The following EMB variants were observed in gnomAD, a reference collection of about 807,000 sequenced individuals.
The protein encoded by EMB is embigin homolog.
Under a neutral mutation model 41.4 loss-of-function variants are expected in EMB, and 31 were observed. The ratio of observed to expected loss-of-function variants is 0.75; its 90% CI spans 0.56 to 1.01. EMB has a LOEUF of 1.01. Among genes scored for constraint, EMB ranks in the 50% least tolerant of loss-of-function variants. The pLI is 0.00. For missense variants in EMB, 379 were observed against 388.3 expected, an observed-to-expected ratio of 0.98 and a Z score of 0.20; for synonymous variants, 137 against 140.4, an observed-to-expected ratio of 0.98 and a Z score of 0.17.
chr5:50,406,843 C>T (rs1745257207), intron 4 of EMB, among the ~76,000 whole-genome samples: 1 of 151,794 alleles, frequency 6.6e-6, no homozygotes, highest in Non-Finnish European at 1.5e-5. Context: ...TGGATGAAAT[C>T]ATGTCAACTA....
Position 50,423,601 on chromosome 5 carries a change from T to G in EMB, c.196+4543A>C, listed in dbSNP as rs796577454. Among the ~76,000 whole-genome samples the G allele has an allele frequency of 4.2e-4, 64 of 152,300 alleles. 1 individual carries two copies. Among genetic ancestry groups the G allele is most frequent in the African/African-American group, 1.4e-3 (60 of 41,552 alleles). Reference sequence around the variant, plus strand: ...TTTTGTTTTGTGACATGTTGAGACATGTAACAGCAGGGATTATGTCACCAG... The same window carrying G: ...TTTTGTTTTGTGACATGTTGAGACAGGTAACAGCAGGGATTATGTCACCAG... On this transcript the variant is annotated intron_variant, in intron 2 of 8. Transcript: ENST00000303221.
In EMB at chr5:50,436,553, T is replaced by C. The variant is rs189461316; in HGVS notation, c.112+4487A>G. 1.7e-3 allele frequency among the ~76,000 whole-genome samples: 260 copies of C among 152,304 alleles called. 2 individuals are homozygous for C. The highest frequency in any genetic ancestry group is 5.9e-3 in the African/African-American group (246 of 41,576). The stretch of plus-strand genomic sequence containing the variant: ...CCTACATGCTTTCCTCCACATCTTG[T>C]TTGGGATCAAACATCACCCATCTGC... On this transcript the variant is annotated intron_variant, in intron 1 of 8. Coordinates refer to ENST00000303221, the MANE Select transcript of EMB (RefSeq NM_198449.3).
intron 5 of EMB, 150 bp downstream of exon 5, chr5:50,405,575 C>G: frequency 1.7e-6 from 2 of 1,160,852 alleles, no homozygotes; most frequent in Non-Finnish European, 2.3e-6. Flanking sequence ...CTCTGTTTGT[C>G]ACTGCTCTTT....
chr5:50,421,356 T>C (rs1447398280), intron 2 of EMB, among the ~76,000 whole-genome samples: 10 of 152,220 alleles, frequency 6.6e-5, no homozygotes, highest in East Asian at 5.8e-4. Flanking sequence ...TACCATCTCA[T>C]ACCAGTTAGA....
chr5:50,424,344 T>C (rs1314025830), intron 2 of EMB, among the ~76,000 whole-genome samples: 4 of 152,190 alleles, frequency 2.6e-5, no homozygotes, highest in Non-Finnish European at 5.9e-5. Context: ...AATTAAAATT[T>C]AACAAAAATA....
At chr5:50,427,086 C>T (rs1216627066) in intron 2 of EMB, among the ~76,000 whole-genome samples, 3 of 152,062 alleles carry the variant, frequency 2.0e-5, no homozygotes, top group Non-Finnish European at 4.4e-5. Flanking sequence ...TGTTAGCTCC[C>T]AAAAACTTTG....
chr5:50,433,951 T>C (rs1356919312), intron 1 of EMB, among the ~76,000 whole-genome samples: 1 of 152,200 alleles, frequency 6.6e-6, no homozygotes, highest in African/African-American at 2.4e-5. Flanking sequence ...TGCCTCTGTC[T>C]TTACATGATC....
chr5:50,397,451 T>C lies in EMB; in HGVS notation c.*1822A>G, dbSNP rs1188733034. On this transcript the variant is annotated 3_prime_UTR_variant, in exon 9 of 9. Coordinates refer to ENST00000303221, the MANE Select transcript of EMB (RefSeq NM_198449.3). Reference sequence around the variant, plus strand: ...TTTTACCTTTGGGAAGCAATGCTTGTTGCTTGAAAATTGTATGAGCCTCAA... The same window carrying C: ...TTTTACCTTTGGGAAGCAATGCTTGCTGCTTGAAAATTGTATGAGCCTCAA... 3 of 152,164 alleles carry C rather than the reference T, an allele frequency of 2.0e-5. No individual in the cohort carries two copies. Among genetic ancestry groups the C allele is most frequent in the Non-Finnish European group, 4.4e-5 (3 of 68,024 alleles). 9.4% of individuals were successfully genotyped at this position (152,164 alleles called of 1,614,324 possible). A position where few individuals can be genotyped will look rare whatever the true frequency, so the allele number is the denominator to read the frequency against.
At chr5:50,424,357 G>A (rs1812936) in intron 2 of EMB, among the ~76,000 whole-genome samples, 1 of 151,916 alleles carries the variant, frequency 6.6e-6, no homozygotes. Flanking sequence ...CAAAAATACA[G>A]TAAATACATA....
intron 2 of EMB, among the ~76,000 whole-genome samples, chr5:50,418,933 T>C (rs1199879101): frequency 6.6e-6 from 1 of 152,240 alleles, no homozygotes; most frequent in Non-Finnish European, 1.5e-5. Flanking sequence ...ACTTCATCTA[T>C]GCACTCCTTC....
chr5:50,425,737 G>GCTCTGTCACCCAGGCTGGAGTA (rs1192948186), intron 2 of EMB, among the ~76,000 whole-genome samples: 1 of 147,798 alleles, frequency 6.8e-6, no homozygotes, highest in South Asian at 2.2e-4. Flanking sequence ...ATGGACTCTT[G>GCTCTGTCACCCAGGCTGGAGTA]CAGTGGCACA....
At chr5:50,440,997 G>GCGCCCTC in intron 1 of EMB, 43 bp downstream of exon 1, 1 of 1,266,844 alleles carries the variant, frequency 7.9e-7, no homozygotes, top group African/African-American at 1.6e-5. Context: ...CGAGCCTCGC[G>GCGCCCTC]CGCCCTCCGC....
At chr5:50,423,788 C>T (rs34906853) in intron 2 of EMB, among the ~76,000 whole-genome samples, 17,638 of 152,072 alleles carry the variant, frequency 0.12, 1,166 homozygotes, top group East Asian at 0.17. Context: ...GACAGGCCCA[C>T]GTCTTTAAAT....
At chr5:50,438,263 G>T (rs7713459) in intron 1 of EMB, among the ~76,000 whole-genome samples, 27 of 152,182 alleles carry the variant, frequency 1.8e-4, no homozygotes, top group Admixed American at 9.2e-4. Flanking sequence ...CATAAGCCAA[G>T]CCCCAATTTC....
chr5:50,411,895 C>G (rs1745344322), intron 2 of EMB: 1 of 152,030 alleles, frequency 6.6e-6, no homozygotes, highest in Non-Finnish European at 1.5e-5. Flanking sequence ...TTCTTCAGAA[C>G]CTGTAAGGAC....
chr5:50,431,194 T>C (rs1391863748), intron 1 of EMB, among the ~76,000 whole-genome samples: 7 of 152,216 alleles, frequency 4.6e-5, no homozygotes, highest in African/African-American at 1.4e-4. Flanking sequence ...AACTGCTGTG[T>C]GACTTTTGCC....
At chr5:50,405,599 A>C in intron 5 of EMB, 126 bp downstream of exon 5, 1 of 1,344,176 alleles carries the variant, frequency 7.4e-7, no homozygotes, top group Non-Finnish European at 9.8e-7. Context: ...TATGAACATA[A>C]GCTAAACAAC....
chr5:50,410,339 C>G (rs150859869), intron 4 of EMB, among the ~76,000 whole-genome samples: 1 of 151,922 alleles, frequency 6.6e-6, no homozygotes, highest in Non-Finnish European at 1.5e-5. Context: ...TATTTTAATT[C>G]GTTTGTTTCC....
chr5:50,410,482 A>C (rs1263737188), intron 4 of EMB, among the ~76,000 whole-genome samples: 1 of 152,142 alleles, frequency 6.6e-6, no homozygotes, highest in Non-Finnish European at 1.5e-5. Context: ...CTAAAATCCC[A>C]TGTCCTGGAG....
Sources: gnomAD v4.1 joint callset for allele counts (sites outside exome capture counted in the v4.1 genomes callset) on GRCh38, gnomAD v4.1.1 for gene constraint, MANE v1.5 for transcripts, NCBI Gene and HGNC (gene_info 2026-07-23, HGNC 2026-07-21) for gene names.